ATP10B: variants seen among roughly 807,000 people sequenced by gnomAD.
The protein encoded by ATP10B is phospholipid-transporting ATPase VB.
A neutral mutation model predicts 141.2 loss-of-function variants in ATP10B; 122 were observed. That is an observed-to-expected ratio of 0.86 (90% CI 0.75 to 1.00). The LOEUF (loss-of-function observed/expected upper bound fraction) is 1.00. Among genes scored for constraint, ATP10B ranks in the 50% least tolerant of loss-of-function variants. The pLI is 0.00. For synonymous variants in ATP10B, 685 were observed against 692.0 expected (o/e 0.99, Z 0.16); for missense variants, 1,876 against 1,825.3 (o/e 1.03, Z -0.51).
chr5:160,624,808 C>T (rs1218617611), intron 13 of ATP10B, among the ~76,000 whole-genome samples: 1 of 152,202 alleles, frequency 6.6e-6, no homozygotes, highest in Non-Finnish European at 1.5e-5. Flanking sequence ...AGTGTAAAGC[C>T]AGAATCAGAG....
intron 7 of ATP10B, among the ~76,000 whole-genome samples, chr5:160,657,419 G>A (rs547309220): frequency 6.6e-6 from 1 of 152,234 alleles, no homozygotes; most frequent in East Asian, 1.9e-4. Flanking sequence ...CTTTCCTCTG[G>A]CTCTGGATGA....
At chr5:160,900,257 C>A in the ATP10B span, among the ~76,000 whole-genome samples, 3 of 152,164 alleles carry the variant, frequency 2.0e-5, no homozygotes, top group Non-Finnish European at 4.4e-5. Flanking sequence ...TCTTCATGCA[C>A]ATTTTCTTTC....
intron 21 of ATP10B, among the ~76,000 whole-genome samples, chr5:160,602,148 C>T (rs759263730): frequency 3.3e-5 from 5 of 152,196 alleles, no homozygotes; most frequent in African/African-American, 7.2e-5. Flanking sequence ...TAAACGATTA[C>T]GATACGCTAA....
the ATP10B span, among the ~76,000 whole-genome samples, chr5:160,913,876 G>A: frequency 1.6e-4 from 25 of 152,274 alleles, no homozygotes; most frequent in Non-Finnish European, 2.2e-4. Flanking sequence ...CGGTCCCTTT[G>A]GAAGGTGCTT....
At chr5:160,632,522 G>A (rs1429354124) in intron 12 of ATP10B, 155 bp from the exon 13 acceptor site, 3 of 640,768 alleles carry the variant, frequency 4.7e-6, no homozygotes, top group Non-Finnish European at 8.1e-6. Context: ...GGAGAAAGAA[G>A]GGTAAAACTA....
chr5:160,896,940 AC>A, the ATP10B span, among the ~76,000 whole-genome samples: 30 of 152,332 alleles, frequency 2.0e-4, no homozygotes, highest in Middle Eastern at 0.01. Context: ...AATGACAAAC[AC>A]CACATGATTA....
chr5:160,873,386 C>T, the ATP10B span, among the ~76,000 whole-genome samples: 2 of 152,056 alleles, frequency 1.3e-5, no homozygotes, highest in African/African-American at 2.4e-5. Context: ...TAGTAGAAGT[C>T]CTAGCTAATG....
At chr5:160,631,138 A>T (rs1758904284) in intron 13 of ATP10B, among the ~76,000 whole-genome samples, 1 of 152,214 alleles carries the variant, frequency 6.6e-6, no homozygotes, top group Admixed American at 6.5e-5. Context: ...TTTCTAATAA[A>T]GGGATGGTAG....
intron 3 of ATP10B, chr5:160,692,820 G>A (rs528315662): frequency 2.6e-5 from 4 of 152,290 alleles, no homozygotes; most frequent in East Asian, 3.9e-4. Context: ...AACTCCTCAC[G>A]GAGGTGGATT....
At chr5:160,660,766 A>C (rs761894319) in intron 7 of ATP10B, among the ~76,000 whole-genome samples, 24 of 152,246 alleles carry the variant, frequency 1.6e-4, no homozygotes, top group Non-Finnish European at 3.4e-4. Flanking sequence ...TGACATGCAC[A>C]TGCACAAATG....
the ATP10B span, among the ~76,000 whole-genome samples, chr5:160,880,504 G>A: frequency 2.6e-5 from 4 of 152,026 alleles, no homozygotes; most frequent in Non-Finnish European, 5.9e-5. Flanking sequence ...GAACAAGGTG[G>A]GAGAACTGAC....
At chr5:160,884,036 T>C in the ATP10B span, among the ~76,000 whole-genome samples, 2 of 152,224 alleles carry the variant, frequency 1.3e-5, no homozygotes, top group Non-Finnish European at 2.9e-5. Flanking sequence ...GAACGAATTG[T>C]ACATTTTTCT....
At chr5:160,615,786 C>T (rs1757960647) in intron 17 of ATP10B, 52 bp downstream of exon 17, 26 of 1,591,176 alleles carry the variant, frequency 1.6e-5, no homozygotes, top group Non-Finnish European at 2.2e-5. Context: ...GAGCTCCCTT[C>T]TCAACTGGCT....
intron 7 of ATP10B, among the ~76,000 whole-genome samples, chr5:160,662,428 G>T (rs1405440999): frequency 6.6e-6 from 1 of 151,516 alleles, no homozygotes; most frequent in Non-Finnish European, 1.5e-5. Flanking sequence ...AAACAGCACG[G>T]TACTGGTACC....
intron 1 of ATP10B, among the ~76,000 whole-genome samples, chr5:160,808,746 T>A (rs1185715690): frequency 6.6e-6 from 1 of 152,202 alleles, no homozygotes; most frequent in East Asian, 1.9e-4. Flanking sequence ...TCTAATACAC[T>A]GCCTCATTTC....
intron 1 of ATP10B, among the ~76,000 whole-genome samples, chr5:160,798,815 ATC>A (rs1236448704): frequency 1.5e-5 from 2 of 136,646 alleles, no homozygotes; most frequent in Non-Finnish European, 3.0e-5. Context: ...CAATGGTATG[ATC>A]TCAGCTCACT....
intron 2 of ATP10B, among the ~76,000 whole-genome samples, chr5:160,733,844 GC>G (rs1015971727): frequency 6.6e-6 from 1 of 151,868 alleles, no homozygotes; most frequent in African/African-American, 2.4e-5. Flanking sequence ...GGTGGCTCAT[GC>G]CTGTAATCCC....
intron 6 of ATP10B, among the ~76,000 whole-genome samples, chr5:160,683,016 G>C (rs1244265616): frequency 7.1e-6 from 1 of 140,552 alleles, no homozygotes; most frequent in African/African-American, 2.7e-5. Flanking sequence ...TCCAGCCTGG[G>C]CGACAGACCA....
At chr5:160,756,650 C>T (rs1403798736) in intron 2 of ATP10B, among the ~76,000 whole-genome samples, 4 of 151,914 alleles carry the variant, frequency 2.6e-5, no homozygotes, top group East Asian at 1.9e-4. Context: ...TGTTTATTTG[C>T]CATCCGTAAT....
Sources: allele counts gnomAD v4.1 joint callset (sites outside exome capture counted in the v4.1 genomes callset), GRCh38; gene constraint gnomAD v4.1.1; transcripts MANE v1.5; gene names NCBI Gene and HGNC (gene_info 2026-07-23, HGNC 2026-07-21).